PTK2: variants seen among roughly 807,000 people sequenced by gnomAD.
PTK2 encodes focal adhesion kinase 1.
A neutral mutation model predicts 150.1 loss-of-function variants in PTK2; 45 were observed. The observed-to-expected ratio is 0.30, with a 90% CI of 0.24 to 0.38. The LOEUF is 0.38. PTK2 is among the 10% of genes least tolerant of loss of function. The pLI is 1.00. For synonymous variants in PTK2, 432 were observed against 449.2 expected (o/e 0.96, Z 0.48); for missense variants, 919 against 1,307.3 (o/e 0.70, Z 4.58).
intron 2 of PTK2, among the ~76,000 whole-genome samples, chr8:140,903,479 T>G (rs1366998141): frequency 6.6e-6 from 1 of 152,212 alleles, no homozygotes; most frequent in Non-Finnish European, 1.5e-5. Context: ...TTGAGTTGGC[T>G]ATGCGGGCTC....
chr8:141,000,367 G>A (rs2100199649), intron 1 of PTK2, among the ~76,000 whole-genome samples: 1 of 152,222 alleles, frequency 6.6e-6, no homozygotes, highest in Non-Finnish European at 1.5e-5. Flanking sequence ...CGGGCTTGGG[G>A]CTCGGGCACC....
At chr8:140,902,940 T>TTTTTTG (rs2100159266) in intron 2 of PTK2, among the ~76,000 whole-genome samples, 4 of 136,548 alleles carry the variant, frequency 2.9e-5, no homozygotes, top group Non-Finnish European at 4.8e-5. Flanking sequence ...TTTTTTTTTT[T>TTTTTTG]TTTTTTTTTT....
rs751460757 is a variant in PTK2, at chr8:140,746,873, T to C, written c.1418-13A>G. Reference sequence around the variant, plus strand: ...TGACGCATTGTTACTAGGAAAAAAGTTCTCCATAGTTATTCTTTCTTTTTT... The same window carrying C: ...TGACGCATTGTTACTAGGAAAAAAGCTCTCCATAGTTATTCTTTCTTTTTT... On this transcript the variant is annotated splice_polypyrimidine_tract_variant and intron_variant, in intron 17 of 31. Transcript: ENST00000522684. The C allele has an allele frequency of 2.6e-6, 4 of 1,536,054 alleles. No individual in the cohort carries two copies. Among genetic ancestry groups the C allele is most frequent in the Non-Finnish European group, 3.6e-6 (4 of 1,124,526 alleles).
intron 15 of PTK2, among the ~76,000 whole-genome samples, chr8:140,762,111 T>C (rs997648768): frequency 3.9e-5 from 6 of 152,092 alleles, no homozygotes; most frequent in African/African-American, 1.4e-4. Context: ...ACCAATGAAA[T>C]ACACCAAGAG....
At chr8:140,685,407 T>C (rs183248402) in intron 27 of PTK2, among the ~76,000 whole-genome samples, 59 of 152,280 alleles carry the variant, frequency 3.9e-4, no homozygotes, top group Non-Finnish European at 1.6e-4. Flanking sequence ...CTAATTAAAC[T>C]AAAGAGCTTC....
intron 10 of PTK2, among the ~76,000 whole-genome samples, chr8:140,811,821 C>T (rs2100101717): frequency 6.6e-6 from 1 of 152,064 alleles, no homozygotes; most frequent in Admixed American, 6.5e-5. Context: ...AATTTCAGAG[C>T]TTGAAAGCTG....
intron 10 of PTK2, among the ~76,000 whole-genome samples, chr8:140,814,823 G>A (rs1328381147): frequency 6.7e-6 from 1 of 149,748 alleles, no homozygotes; most frequent in East Asian, 2.0e-4. Context: ...TGCCCAGGCT[G>A]GAGTGCAATG....
intron 1 of PTK2, among the ~76,000 whole-genome samples, chr8:140,991,123 T>C (rs564925678): frequency 2.8e-4 from 43 of 152,352 alleles, no homozygotes; most frequent in Admixed American, 1.5e-3. Flanking sequence ...CTAATTTTTA[T>C]TTACCCTTTT....
chr8:140,853,587 T>C (rs2100130732), intron 5 of PTK2, among the ~76,000 whole-genome samples: 1 of 152,058 alleles, frequency 6.6e-6, no homozygotes, highest in Non-Finnish European at 1.5e-5. Context: ...ATCCAGTCTA[T>C]CACTGATGGA....
chr8:140,996,586 C>T (rs1249559969), intron 1 of PTK2, among the ~76,000 whole-genome samples: 2 of 152,164 alleles, frequency 1.3e-5, no homozygotes, highest in African/African-American at 2.4e-5. Context: ...ATGCTCGTTT[C>T]CCATTCTGAA....
At chr8:140,743,856 C>A (rs988589911) in intron 19 of PTK2, among the ~76,000 whole-genome samples, 1 of 151,342 alleles carries the variant, frequency 6.6e-6, no homozygotes, top group African/African-American at 2.4e-5. Flanking sequence ...CGGCTTACTG[C>A]AAGCTCCGCC....
intron 7 of PTK2, among the ~76,000 whole-genome samples, chr8:140,839,642 T>C (rs547860435): frequency 2.0e-5 from 3 of 151,758 alleles, no homozygotes; most frequent in South Asian, 2.1e-4. Context: ...CTTAAGAGAA[T>C]TAAAGAATTA....
chr8:140,826,188 T>C lies in PTK2; in HGVS notation c.648+4284A>G, dbSNP rs780021452. Among the ~76,000 whole-genome samples, 14 of 152,362 alleles carry C rather than the reference T, an allele frequency of 9.2e-5. No individual in the cohort carries two copies. The East Asian group carries it at 1.5e-3, about 17-fold the overall frequency. ...AATGTTAACTGACTTAGCCATTCTATAGAGCTATTTCAGAAGAAACAAGAA... is the reference window on the plus strand; with the variant it reads ...AATGTTAACTGACTTAGCCATTCTACAGAGCTATTTCAGAAGAAACAAGAA... On this transcript the variant is annotated intron_variant, in intron 8 of 31. Coordinates refer to ENST00000522684, the Ensembl canonical transcript of PTK2.
intron 14 of PTK2, among the ~76,000 whole-genome samples, chr8:140,765,669 C>G (rs1326354545): frequency 1.3e-5 from 2 of 152,096 alleles, no homozygotes; most frequent in Non-Finnish European, 2.9e-5. Flanking sequence ...TCTTTTATTT[C>G]TGTATTCTCC....
intron 16 of PTK2, among the ~76,000 whole-genome samples, chr8:140,757,646 T>A (rs1460874175): frequency 6.6e-6 from 1 of 152,170 alleles, no homozygotes; most frequent in Non-Finnish European, 1.5e-5. Context: ...AATGGTCATT[T>A]GCAGTTTCCA....
exon 7 of PTK2, chr8:140,846,261 C>T (rs1396796576): frequency 1.2e-6 from 2 of 1,607,814 alleles, no homozygotes; most frequent in Non-Finnish European, 1.7e-6. Context: ...AATACTTACT[C>T]TAATACTTCA....
At chr8:140,922,685 T>C (rs934175604) in intron 2 of PTK2, among the ~76,000 whole-genome samples, 4 of 152,186 alleles carry the variant, frequency 2.6e-5, no homozygotes, top group Non-Finnish European at 5.9e-5. Context: ...TTCTACACAC[T>C]AAGTACTGAT....
intron 17 of PTK2, among the ~76,000 whole-genome samples, chr8:140,748,577 G>A (rs2100060931): frequency 6.6e-6 from 1 of 150,654 alleles, no homozygotes; most frequent in South Asian, 2.1e-4. Context: ...TGCCTTTTTT[G>A]GCATACTTTG....
chr8:140,728,225 G>C (rs1251054729), intron 22 of PTK2, among the ~76,000 whole-genome samples: 1 of 150,358 alleles, frequency 6.7e-6, no homozygotes. Context: ...AGTAGAAAAA[G>C]AAAAGTTAAA....
Sources: allele counts gnomAD v4.1 joint callset (sites outside exome capture counted in the v4.1 genomes callset), GRCh38; gene constraint gnomAD v4.1.1; transcripts MANE v1.5; gene names NCBI Gene and HGNC (gene_info 2026-07-23, HGNC 2026-07-21).